The following GRK2 variants were observed in gnomAD, a reference collection of about 807,000 sequenced individuals.
GRK2 encodes the protein G protein-coupled receptor kinase 2.
In GRK2, 23 loss-of-function variants were observed where a neutral mutation model predicts 97.8. The ratio of observed to expected loss-of-function variants is 0.24; its 90% CI spans 0.17 to 0.33. The LOEUF (loss-of-function observed/expected upper bound fraction) is 0.33, where lower values mean the gene tolerates loss of function less well. Among genes scored for constraint, GRK2 ranks in the 10% least tolerant of loss-of-function variants. The probability of loss-of-function intolerance (pLI) is 1.00; values close to 1 mark genes in which losing one functional copy is unlikely to be tolerated. For missense variants in GRK2, 633 were observed against 956.9 expected (o/e 0.66, Z 4.47); for synonymous variants, 425 against 381.7 (o/e 1.11, Z -1.32).
At chr11:67,277,151 G>A in intron 1 of GRK2, 121 bp from the exon 2 acceptor site, 1 of 879,382 alleles carries the variant, frequency 1.1e-6, no homozygotes, top group Non-Finnish European at 1.8e-6. Flanking sequence ...AGGCCTGACG[G>A]GCTGGCCTCC....
In GRK2 at chr11:67,284,252, C is replaced by T; in HGVS notation, c.1533C>T (p.Leu511=). The T allele has an allele frequency of 3.1e-6, 5 of 1,613,650 alleles. No homozygotes were observed. The highest frequency in any genetic ancestry group is 1.1e-5 in the South Asian group (1 of 91,086). Residue 511 remains leucine (L), a synonymous_variant, in exon 18 of 21, where the codon CTC becomes CTT. Coordinates refer to ENST00000308595, the MANE Select transcript of GRK2 (RefSeq NM_001619.5). ...SDQELYRNFP[L]TISERWQQEV... is the part of the protein sequence containing the mutation. ...AGGAGCTCTACCGCAACTTCCCCCT[C>T]ACCATCTCGGAGCGGTGGCAGCAGG...
chr11:67,283,078 G>C (rs773662671), intron 14 of GRK2, 50 bp from the exon 15 acceptor site: 1 of 1,571,852 alleles, frequency 6.4e-7, no homozygotes, highest in East Asian at 2.2e-5. Flanking sequence ...GCTGGGATGG[G>C]GTCAAGGGCT....
At position 67,282,856 on chromosome 11, in the gene GRK2, G is replaced by C. The variant is rs748689656; in HGVS notation, c.1227+38G>C. ...CTCAGTGCAGGGCCGCAGGGGGCTG[G>C]GGGGAGCTCCTGTGGGTGCCAGGCC... On this transcript the variant is annotated intron_variant, in intron 14 of 20. Coordinates refer to ENST00000308595, the MANE Select transcript of GRK2 (RefSeq NM_001619.5). This position sits in a 1 kb window ranked among gnomAD's most constrained non-coding sequence, Gnocchi z 6.9. 3.2e-5 allele frequency: 51 copies of C among 1,583,834 alleles called. No individual in the cohort carries two copies. The highest frequency in any genetic ancestry group is 3.0e-4 in the East Asian group (13 of 43,566).
chr11:67,277,743 G>A (rs1481386828), intron 2 of GRK2, among the ~76,000 whole-genome samples: 10 of 152,162 alleles, frequency 6.6e-5, no homozygotes, highest in Non-Finnish European at 8.8e-5. Context: ...CCCACCCCAT[G>A]GGCCCTCTTT....
Position 67,282,596 on chromosome 11 carries a change from C to T in GRK2, c.1160+54C>T. On this transcript the variant is annotated intron_variant, in intron 13 of 20. Coordinates refer to ENST00000308595, the MANE Select transcript of GRK2 (RefSeq NM_001619.5). The surrounding 1 kb of genome is among the most constrained non-coding windows in gnomAD (Gnocchi z 6.9). ...GGGTTGGGGCTAAGAGAAGTTCCTC[C>T]CCAATCCAGGTGGGATGCCAAAGGA... The T allele has an allele frequency of 6.3e-7, 1 of 1,587,138 alleles. No homozygotes were observed. The highest frequency in any genetic ancestry group is 8.6e-7 in the Non-Finnish European group (1 of 1,159,308).
chr11:67,268,916 T>C (rs1859851441), intron 1 of GRK2, among the ~76,000 whole-genome samples: 1 of 152,056 alleles, frequency 6.6e-6, no homozygotes, highest in South Asian at 2.1e-4. Flanking sequence ...AGAAACAAGG[T>C]TGGATAGGAT....
At chr11:67,270,432 TCCCTGTCTCCCCAGA>T (rs919299383) in intron 1 of GRK2, among the ~76,000 whole-genome samples, 1 of 150,304 alleles carries the variant, frequency 6.7e-6, no homozygotes, top group African/African-American at 2.5e-5. Flanking sequence ...CTTTCTGGCT[TCCCTGTCTCCCCAGA>T]CCCTGCCCCT....
chr11:67,284,734 A>C, intron 18 of GRK2, 113 bp from the exon 19 acceptor site: 1 of 1,400,896 alleles, frequency 7.1e-7, no homozygotes, highest in Non-Finnish European at 9.6e-7. Flanking sequence ...GGTTGCAGTG[A>C]GCCAAGATTG....
In GRK2 at chr11:67,279,246, C is replaced by G. The variant is rs1860096076; in HGVS notation, c.237C>G (p.Ala79=). The change falls in exon 3 of 21, where the codon GCC becomes GCG. Residue 79 remains alanine, a synonymous_variant. Transcript: ENST00000308595. ...RDFCLNHLEE[A]RPLVEFYEEI... ...TCTGCCTGAACCACCTGGAGGAGGC[C>G]AGGCCCTTGGTGGAATTCTATGAGG... is the stretch of plus-strand genomic sequence containing the variant. 1 of 1,613,640 alleles carries G rather than the reference C, an allele frequency of 6.2e-7. No homozygotes were observed.
intron 1 of GRK2, 35 bp from the exon 2 acceptor site, chr11:67,277,237 G>A: frequency 6.2e-7 from 1 of 1,609,760 alleles, no homozygotes; most frequent in Non-Finnish European, 8.5e-7. Flanking sequence ...ACGGGCTCTG[G>A]GGGCTTCTGC....
chr11:67,280,294 C>T (rs1860121436), intron 6 of GRK2: 2 of 371,720 alleles, frequency 5.4e-6, no homozygotes, highest in Non-Finnish European at 1.0e-5. Flanking sequence ...CCAGAGTTGG[C>T]GCGGTGGGTG....
At chr11:67,266,889 C>G (rs1859813766) in intron 1 of GRK2, 77 bp downstream of exon 1, 1 of 636,362 alleles carries the variant, frequency 1.6e-6, no homozygotes, top group African/African-American at 1.9e-5. Flanking sequence ...TGGCCCCATG[C>G]TCGACCCCGC....
At chr11:67,278,789 T>G (rs542334194) in intron 2 of GRK2, among the ~76,000 whole-genome samples, 4 of 152,098 alleles carry the variant, frequency 2.6e-5, no homozygotes, top group Middle Eastern at 3.4e-3. Context: ...CCAGACTGAA[T>G]CGTGTTGCAC....
Position 67,266,509 on chromosome 11 carries a change from C to T in GRK2, c.-191C>T, listed in dbSNP as rs1859802661. On this transcript the variant is annotated 5_prime_UTR_variant, in exon 1 of 21. Transcript: ENST00000308595. ...GAGCGGAGCGCGAGCCGGGGCCGGG[C>T]CCGAGCCGGCGCCATGGGGCGGCGC... 1 of 145,062 alleles carries T rather than the reference C, an allele frequency of 6.9e-6. No individual in the cohort carries two copies. The highest frequency in any genetic ancestry group is 2.5e-5 in the African/African-American group (1 of 40,314). The allele number at this position is 145,062 out of a possible 1,614,324, so 9.0% of individuals were successfully genotyped here. A position where few individuals can be genotyped will look rare whatever the true frequency, so the allele number is the denominator to read the frequency against.
At chr11:67,284,783 C>T (rs1190055326) in intron 18 of GRK2, 64 bp from the exon 19 acceptor site, 1 of 1,568,610 alleles carries the variant, frequency 6.4e-7, no homozygotes, top group African/African-American at 1.4e-5. Context: ...AGTGGAGACC[C>T]TGTCTCAAAA....
At position 67,266,728 on chromosome 11, in the gene GRK2, A is replaced by C. The variant is rs1859808531; in HGVS notation, c.29A>C (p.Asp10Ala). 7.5e-7 allele frequency: 1 copy of C among 1,327,672 alleles called. No individual in the cohort carries two copies. The allele number at this position is 1,327,672 out of a possible 1,614,324, so 82.2% of individuals were successfully genotyped here. Residue 10 changes from aspartate to alanine, a missense_variant, in exon 1 of 21, where the codon GAC (aspartate) becomes GCC (alanine). Coordinates refer to ENST00000308595, the MANE Select transcript of GRK2 (RefSeq NM_001619.5). ...GCGGACCTGGAGGCGGTGCTGGCCG[A>C]CGTGAGCTACCTGATGGCCATGGAG... Reference protein sequence around the residue: MADLEAVLADVSYLMAMEKS... With the variant: MADLEAVLAAVSYLMAMEKS...
rs911800419 is a variant in GRK2 at position 67,283,223 on chromosome 11, C to T, written c.1323C>T (p.Gly441=). 2 of 1,613,504 alleles carry T rather than the reference C, an allele frequency of 1.2e-6. No homozygotes were observed. Among genetic ancestry groups the T allele is most frequent in the African/African-American group, 2.7e-5 (2 of 74,908 alleles). ...RDVNRRLGCL[G]RGAQEVKESP... ...TCAACCGGAGATTGGGCTGCCTGGG[C>T]CGAGGGTGAGTACCCTGGCGCCTTG... The change falls in exon 15 of 21, where the codon GGC becomes GGT. Residue 441 remains glycine (G), a synonymous_variant. Transcript: ENST00000308595.
chr11:67,276,936 A>G lies in GRK2; in HGVS notation c.114-336A>G, dbSNP rs1860043299. 4.5e-6 allele frequency: 1 copy of G among 222,510 alleles called. No individual in the cohort carries two copies. The highest frequency in any genetic ancestry group is 9.0e-6 in the Non-Finnish European group (1 of 111,294). 13.8% of individuals were successfully genotyped at this position (222,510 alleles called of 1,614,324 possible). On this transcript the variant is annotated intron_variant, in intron 1 of 20. Coordinates refer to ENST00000308595, the MANE Select transcript of GRK2 (RefSeq NM_001619.5). The surrounding 1 kb of genome is among the most constrained non-coding windows in gnomAD (Gnocchi z 4.2). ...ATGTGTGTCTTTTCATCCGCTCACA[A>G]ACCAGGCTTGGCTTTTGTGACTTGG...
intron 1 of GRK2, among the ~76,000 whole-genome samples, chr11:67,268,125 C>T (rs1032487386): frequency 7.9e-5 from 12 of 152,200 alleles, no homozygotes; most frequent in Admixed American, 2.6e-4. Context: ...CACTGGGCCT[C>T]GGTCTTCTCA....
Sources: gnomAD v4.1 joint callset for allele counts (sites outside exome capture counted in the v4.1 genomes callset) on GRCh38, gnomAD v4.1.1 for gene constraint, Gnocchi (gnomAD v3.1) non-coding constraint, MANE v1.5 for transcripts, NCBI Gene and HGNC (gene_info 2026-07-23, HGNC 2026-07-21) for gene names.